PRR16: variants seen among roughly 807,000 people sequenced by gnomAD.
PRR16 encodes proline rich 16, also known as protein Largen.
A neutral mutation model predicts 18.2 loss-of-function variants in PRR16; 6 were observed. That is an observed-to-expected ratio of 0.33 (90% CI 0.18 to 0.65). The LOEUF is 0.65. Among genes scored for constraint, PRR16 ranks in the 30% least tolerant of loss-of-function variants. PRR16 has a pLI of 0.74. For missense variants in PRR16, 412 were observed against 376.6 expected (o/e 1.09, Z -0.78); for synonymous variants, 151 against 147.8 (o/e 1.02, Z -0.16).
intron 1 of PRR16, among the ~76,000 whole-genome samples, chr5:120,631,954 C>T (rs1195190375): frequency 1.3e-5 from 2 of 152,124 alleles, no homozygotes; most frequent in Admixed American, 6.5e-5. Context: ...TAAATGAAAA[C>T]ACAACCAGAG....
intron 1 of PRR16, among the ~76,000 whole-genome samples, chr5:120,650,756 T>C (rs972985821): frequency 2.6e-5 from 4 of 152,148 alleles, no homozygotes; most frequent in African/African-American, 9.7e-5. Flanking sequence ...GTTCCAAGTC[T>C]TTGCTGTTGT....
the PRR16 span, among the ~76,000 whole-genome samples, chr5:120,735,741 A>G: frequency 6.6e-6 from 1 of 152,042 alleles, no homozygotes. Flanking sequence ...TATATCCCTT[A>G]TCAGACATAT....
chr5:120,696,115 G>A, the PRR16 span, among the ~76,000 whole-genome samples: 3 of 151,946 alleles, frequency 2.0e-5, no homozygotes, highest in East Asian at 1.9e-4. Context: ...AGTGGCGAGC[G>A]CCTGTAGTCC....
intron 1 of PRR16, among the ~76,000 whole-genome samples, chr5:120,531,257 T>C (rs1217935462): frequency 6.6e-6 from 1 of 152,170 alleles, no homozygotes; most frequent in African/African-American, 2.4e-5. Flanking sequence ...TAGGTTGCCA[T>C]ATTTTCCTTT....
chr5:120,536,659 C>T (rs1462336983), intron 1 of PRR16, among the ~76,000 whole-genome samples: 1 of 152,200 alleles, frequency 6.6e-6, no homozygotes, highest in South Asian at 2.1e-4. Flanking sequence ...ACATCTACCT[C>T]TGTCCTCATT....
intron 1 of PRR16, among the ~76,000 whole-genome samples, chr5:120,573,092 C>T (rs1052422987): frequency 6.6e-6 from 1 of 151,916 alleles, no homozygotes; most frequent in African/African-American, 2.4e-5. Flanking sequence ...TCATTTTTGC[C>T]CTCTATTTCT....
intron 1 of PRR16, among the ~76,000 whole-genome samples, chr5:120,665,695 C>A (rs1470921378): frequency 6.6e-6 from 1 of 152,138 alleles, no homozygotes; most frequent in Non-Finnish European, 1.5e-5. Flanking sequence ...GTTTTCCCAG[C>A]ACCATTTATT....
the PRR16 span, among the ~76,000 whole-genome samples, chr5:120,768,269 A>C: frequency 1.3e-5 from 2 of 151,862 alleles, no homozygotes; most frequent in African/African-American, 4.8e-5. Flanking sequence ...AATGCACCAC[A>C]CAATATAATT....
chr5:120,547,729 C>T (rs923614404), intron 1 of PRR16, among the ~76,000 whole-genome samples: 4 of 152,032 alleles, frequency 2.6e-5, no homozygotes, highest in Admixed American at 2.6e-4. Context: ...AAAATTTCTA[C>T]AGCAAGTCCT....
chr5:120,592,241 A>G (rs968442677), intron 1 of PRR16, among the ~76,000 whole-genome samples: 14 of 152,194 alleles, frequency 9.2e-5, no homozygotes, highest in Non-Finnish European at 1.3e-4. Flanking sequence ...TTTCTAACAT[A>G]AATTTCAGAT....
At chr5:120,585,534 T>G (rs559384179) in intron 1 of PRR16, among the ~76,000 whole-genome samples, 147 of 151,444 alleles carry the variant, frequency 9.7e-4, no homozygotes, top group African/African-American at 3.4e-3. Context: ...CAGGAGAATC[T>G]CTTGAACCCA....
chr5:120,650,479 TC>T (rs1755742350), intron 1 of PRR16, among the ~76,000 whole-genome samples: 1 of 60,628 alleles, frequency 1.6e-5, no homozygotes, highest in Non-Finnish European at 3.2e-5. Flanking sequence ...CCCTCCCCCC[TC>T]CCCCCACTCC....
chr5:120,773,830 TA>T, the PRR16 span, among the ~76,000 whole-genome samples: 1 of 152,066 alleles, frequency 6.6e-6, no homozygotes, highest in Non-Finnish European at 1.5e-5. Context: ...TAAATTATGA[TA>T]AAGGCAGACT....
intron 1 of PRR16, among the ~76,000 whole-genome samples, chr5:120,671,864 A>C (rs1029428857): frequency 6.6e-6 from 1 of 152,178 alleles, no homozygotes; most frequent in South Asian, 2.1e-4. Context: ...AACATAACTT[A>C]TTTACCACCC....
Position 120,575,661 on chromosome 5 carries a change from G to A in PRR16, c.160-110293G>A, listed in dbSNP as rs1580742054. On this transcript the variant is annotated intron_variant, in intron 1 of 1. Transcript: ENST00000407149. ...CAAGAAACACCTCAACATAATAAAG[G>A]CCATATAGACAAACACAGAGCTACC... Among the ~76,000 whole-genome samples the A allele has an allele frequency of 3.3e-5, 5 of 152,020 alleles. 1 individual carries two copies. Among genetic ancestry groups the A allele is most frequent in the Admixed American group, 3.3e-4 (5 of 15,260 alleles).
At chr5:120,720,203 C>T in the PRR16 span, among the ~76,000 whole-genome samples, 1 of 152,006 alleles carries the variant, frequency 6.6e-6, no homozygotes, top group East Asian at 1.9e-4. Flanking sequence ...GTGAATGTGG[C>T]ACACCAAACT....
At chr5:120,549,800 C>T (rs142269829) in intron 1 of PRR16, among the ~76,000 whole-genome samples, 241 of 151,990 alleles carry the variant, frequency 1.6e-3, no homozygotes, top group African/African-American at 5.4e-3. Context: ...TTTTGGAACA[C>T]GTACTATCCA....
intron 1 of PRR16, among the ~76,000 whole-genome samples, chr5:120,626,048 G>C (rs1032870631): frequency 1.3e-4 from 20 of 152,070 alleles, no homozygotes; most frequent in African/African-American, 4.8e-4. Context: ...GGAAACCTTA[G>C]AATAATAATC....
At chr5:120,727,867 A>G in the PRR16 span, among the ~76,000 whole-genome samples, 1 of 152,066 alleles carries the variant, frequency 6.6e-6, no homozygotes, top group Non-Finnish European at 1.5e-5. Context: ...AATCATTAAG[A>G]AAACTTTTAA....
Sources: allele counts gnomAD v4.1 joint callset (sites outside exome capture counted in the v4.1 genomes callset), GRCh38; gene constraint gnomAD v4.1.1; transcripts MANE v1.5; gene names NCBI Gene and HGNC (gene_info 2026-07-23, HGNC 2026-07-21).